ASIC1: variants seen among roughly 807,000 people sequenced by gnomAD.
ASIC1 encodes the protein acid-sensing ion channel 1.
A neutral mutation model predicts 63.4 loss-of-function variants in ASIC1; 21 were observed. The observed-to-expected ratio is 0.33, with a 90% CI of 0.23 to 0.48. The LOEUF is 0.48. ASIC1 is among the 20% of genes least tolerant of loss of function. The probability of loss-of-function intolerance (pLI) is 0.99; values close to 1 mark genes in which losing one functional copy is unlikely to be tolerated. For synonymous variants in ASIC1, 258 were observed against 278.2 expected (o/e 0.93, Z 0.72); for missense variants, 478 against 695.5 (o/e 0.69, Z 3.52).
chr12:50,081,427 T>TCCCC, intron 11 of ASIC1, 63 bp downstream of exon 11: 2 of 1,411,156 alleles, frequency 1.4e-6, no homozygotes, highest in Non-Finnish European at 1.9e-6. Flanking sequence ...AGGAACCCCG[T>TCCCC]CCACCCCCGC....
intron 3 of ASIC1, among the ~76,000 whole-genome samples, chr12:50,065,464 G>A (rs1016276407): frequency 1.4e-4 from 22 of 152,166 alleles, no homozygotes; most frequent in African/African-American, 4.6e-4. Context: ...TTATTGAGGG[G>A]CAGTCCTTCC....
chr12:50,074,533 C>G lies in ASIC1; in HGVS notation c.559-2680C>G, dbSNP rs1209428137. 6.6e-6 allele frequency among the ~76,000 whole-genome samples: 1 copy of G among 152,234 alleles called. No individual in the cohort carries two copies. The highest frequency in any genetic ancestry group is 2.4e-5 in the African/African-American group (1 of 41,466). The stretch of plus-strand genomic sequence containing the variant: ...CTCCCAACATGTCCTCCAGCTTTAC[C>G]TGCCCTTCTCAAGACTTCCTCATGG... On this transcript the variant is annotated intron_variant, in intron 3 of 11. Transcript: ENST00000447966. The surrounding 1 kb of genome is among the most constrained non-coding windows in gnomAD (Gnocchi z 4.2).
In ASIC1 at chr12:50,074,186, A is replaced by T. The variant is rs1182289441; in HGVS notation, c.559-3027A>T. 5 of 1,532,238 alleles carry T rather than the reference A, an allele frequency of 3.3e-6. No homozygotes were observed. The African/African-American group carries it at 5.5e-5, about 17-fold the overall frequency. 94.9% of individuals were successfully genotyped at this position (1,532,238 alleles called of 1,614,324 possible). On this transcript the variant is annotated intron_variant, in intron 3 of 11. Coordinates refer to ENST00000447966, the MANE Select transcript of ASIC1 (RefSeq NM_001095.4). The surrounding 1 kb of genome is among the most constrained non-coding windows in gnomAD (Gnocchi z 4.2). ...AATCGCTCCTGCCACCGGCTGGAGG[A>T]CATGCTGCTCTATTGCTCCTACCAA...
intron 3 of ASIC1, among the ~76,000 whole-genome samples, chr12:50,060,447 T>C (rs1304160383): frequency 6.6e-6 from 1 of 152,166 alleles, no homozygotes; most frequent in Non-Finnish European, 1.5e-5. Context: ...TACACTAAAG[T>C]TTGAGAAGCA....
intron 3 of ASIC1, among the ~76,000 whole-genome samples, chr12:50,075,158 C>A (rs1179399394): frequency 6.6e-6 from 1 of 152,118 alleles, no homozygotes; most frequent in Non-Finnish European, 1.5e-5. Context: ...TTCCCTGCCC[C>A]ACACACCCAT....
Position 50,074,300 on chromosome 12 carries a change from C to A in ASIC1, c.559-2913C>A. 1 of 1,435,472 alleles carries A rather than the reference C, an allele frequency of 7.0e-7. No homozygotes were observed. Among genetic ancestry groups the A allele is most frequent in the South Asian group, 1.5e-5 (1 of 67,962 alleles). 88.9% of individuals were successfully genotyped at this position (1,435,472 alleles called of 1,614,324 possible). Reference sequence around the variant, plus strand: ...CCCAAGAGTGTCTGCCATGGCTGTCCCTGACTGTCACCTCCTGGGGTTGGG... The same window carrying A: ...CCCAAGAGTGTCTGCCATGGCTGTCACTGACTGTCACCTCCTGGGGTTGGG... On this transcript the variant is annotated intron_variant, in intron 3 of 11. Coordinates refer to ENST00000447966, the MANE Select transcript of ASIC1 (RefSeq NM_001095.4). The surrounding 1 kb of genome is among the most constrained non-coding windows in gnomAD (Gnocchi z 4.2).
Position 50,081,127 on chromosome 12 carries a change from G to C in ASIC1, c.1323G>C (p.Leu441=), listed in dbSNP as rs1360538966. 1.1e-5 allele frequency: 18 copies of C among 1,611,076 alleles called. No homozygotes were observed. The Admixed American group carries it at 3.0e-4, about 27-fold the overall frequency. The change falls in exon 10 of 12, where the codon CTG becomes CTC. Residue 441 remains leucine, a synonymous_variant. Coordinates refer to ENST00000447966, the MANE Select transcript of ASIC1 (RefSeq NM_001095.4). ...LLGDIGGQMG[L]FIGASILTVL... ...GTGACATCGGGGGCCAGATGGGGCT[G>C]TTCATCGGGGCCAGCATCCTCACGG... is the stretch of plus-strand genomic sequence containing the variant.
chr12:50,062,706 G>T (rs541134710), intron 3 of ASIC1, among the ~76,000 whole-genome samples: 1 of 152,208 alleles, frequency 6.6e-6, no homozygotes, highest in Non-Finnish European at 1.5e-5. Context: ...AAGGCTGGTT[G>T]GGGGAGGCAT....
intron 3 of ASIC1, among the ~76,000 whole-genome samples, chr12:50,066,083 G>A (rs1328313933): frequency 6.6e-6 from 1 of 152,230 alleles, no homozygotes; most frequent in Non-Finnish European, 1.5e-5. Context: ...GTGAGAGAAA[G>A]CTTCTGTGTA....
At chr12:50,066,168 C>T (rs1950543544) in intron 3 of ASIC1, among the ~76,000 whole-genome samples, 1 of 152,200 alleles carries the variant, frequency 6.6e-6, no homozygotes, top group South Asian at 2.1e-4. Flanking sequence ...TTGCAATTTA[C>T]AAATTCCCTT....
chr12:50,067,894 G>A (rs1395266742), intron 3 of ASIC1, among the ~76,000 whole-genome samples: 1 of 152,084 alleles, frequency 6.6e-6, no homozygotes, highest in Non-Finnish European at 1.5e-5. Context: ...TAAATCATAA[G>A]AGTACAATGC....
Position 50,081,676 on chromosome 12 carries a change from C to G in ASIC1, c.*27C>G. 1 of 1,608,306 alleles carries G rather than the reference C, an allele frequency of 6.2e-7. No homozygotes were observed. Among genetic ancestry groups the G allele is most frequent in the Non-Finnish European group, 8.5e-7 (1 of 1,176,746 alleles). On this transcript the variant is annotated 3_prime_UTR_variant, in exon 12 of 12. Coordinates refer to ENST00000447966, the MANE Select transcript of ASIC1 (RefSeq NM_001095.4). Reference sequence around the variant, plus strand: ...CCCCGCAGGCCGCTGAACCAAAGGCCTAGATGGGGAGGACTAGGAGAGCGA... The same window carrying G: ...CCCCGCAGGCCGCTGAACCAAAGGCGTAGATGGGGAGGACTAGGAGAGCGA...
At chr12:50,064,337 G>T (rs957598160) in intron 3 of ASIC1, among the ~76,000 whole-genome samples, 7 of 152,110 alleles carry the variant, frequency 4.6e-5, no homozygotes, top group African/African-American at 1.7e-4. Context: ...GGTGGTCCCT[G>T]GGTTGGGGTC....
At position 50,058,981 on chromosome 12, in the gene ASIC1, A is replaced by G; in HGVS notation, c.215A>G (p.His72Arg). 6.2e-7 allele frequency: 1 copy of G among 1,613,992 alleles called. No individual in the cohort carries two copies. Among genetic ancestry groups the G allele is most frequent in the Non-Finnish European group, 8.5e-7 (1 of 1,179,994 alleles). Residue 72 changes from histidine (H) to arginine (R), a missense_variant, in exon 2 of 12, where the codon CAC (histidine) becomes CGC (arginine). His to Arg is a conservative substitution (Grantham distance 29, BLOSUM62 0). This residue lies in a region of ASIC1 where 290 missense variants were observed against 414.9 expected (regional missense o/e 0.70). Transcript: ENST00000447966. ...CGTGTGCAGTACTACTTCCACTACC[A>G]CCATGTCACCAAGCTCGACGAGGTG... is the stretch of plus-strand genomic sequence containing the variant. ...TERVQYYFHY[H>R]HVTKLDEVAA...
At position 50,074,053 on chromosome 12, in the gene ASIC1, T is replaced by C; in HGVS notation, c.559-3160T>C. On this transcript the variant is annotated intron_variant, in intron 3 of 11. Transcript: ENST00000447966. The surrounding 1 kb of genome is among the most constrained non-coding windows in gnomAD (Gnocchi z 4.2). ...GCTCAGCTACCCTGACTTGCTTTATTTGGCCCCCATGCTGGGACTGGATGA... is the reference window on the plus strand; with the variant it reads ...GCTCAGCTACCCTGACTTGCTTTATCTGGCCCCCATGCTGGGACTGGATGA... The C allele has an allele frequency of 6.5e-7, 1 of 1,534,628 alleles. No homozygotes were observed. Among genetic ancestry groups the C allele is most frequent in the South Asian group, 1.2e-5 (1 of 83,926 alleles).
chr12:50,059,202 G>C lies in ASIC1; in HGVS notation c.362+74G>C. 3 of 1,562,980 alleles carry C rather than the reference G, an allele frequency of 1.9e-6. No homozygotes were observed. Among genetic ancestry groups the C allele is most frequent in the Admixed American group, 1.7e-5 (1 of 58,178 alleles). On this transcript the variant is annotated intron_variant, in intron 2 of 11. Coordinates refer to ENST00000447966, the MANE Select transcript of ASIC1 (RefSeq NM_001095.4). The surrounding 1 kb of genome is among the most constrained non-coding windows in gnomAD (Gnocchi z 4.6). ...TTCCAGTCAGGATGTCTGCCTCCCT[G>C]ACCCACCATAGAGCCCAGCCAACCC...
At chr12:50,062,833 G>T (rs1385385591) in intron 3 of ASIC1, among the ~76,000 whole-genome samples, 1 of 152,176 alleles carries the variant, frequency 6.6e-6, no homozygotes, top group Non-Finnish European at 1.5e-5. Flanking sequence ...CAACCCCAGG[G>T]AATAGTTGGT....
chr12:50,062,569 T>A lies in ASIC1; in HGVS notation c.558+2615T>A, dbSNP rs937031325. ...CCCATCCAACAGGATTGCTGTGGGA[T>A]ACCACCCCCCACTGTCCAAGACCTT... On this transcript the variant is annotated intron_variant, in intron 3 of 11. Coordinates refer to ENST00000447966, the MANE Select transcript of ASIC1 (RefSeq NM_001095.4). Among the ~76,000 whole-genome samples, 4 of 151,160 alleles carry A rather than the reference T, an allele frequency of 2.6e-5. No homozygotes were observed. The Admixed American group carries it at 2.7e-4, about 10-fold the overall frequency.
At chr12:50,063,087 C>T (rs1950515062) in intron 3 of ASIC1, among the ~76,000 whole-genome samples, 1 of 152,212 alleles carries the variant, frequency 6.6e-6, no homozygotes, top group Admixed American at 6.5e-5. Context: ...TTCCCGGCCA[C>T]CTCCTTTTCT....
Sources: allele counts gnomAD v4.1 joint callset (sites outside exome capture counted in the v4.1 genomes callset), GRCh38; gene constraint gnomAD v4.1.1; regional missense constraint gnomAD v4.1.1; non-coding constraint Gnocchi (gnomAD v3.1); transcripts MANE v1.5; gene names NCBI Gene and HGNC (gene_info 2026-07-23, HGNC 2026-07-21).